Variants in KIF6 observed in about 807,000 individuals in gnomAD.
The protein encoded by KIF6 is kinesin-like protein KIF6.
In KIF6, 106 loss-of-function variants were observed where a neutral mutation model predicts 112.7. That is an observed-to-expected ratio of 0.94 (90% CI 0.80 to 1.11). The LOEUF is 1.11. Ranked by LOEUF, KIF6 falls within the 50% of genes least tolerant of loss-of-function variation. The probability of loss-of-function intolerance (pLI) is 0.00; values close to 1 mark genes in which losing one functional copy is unlikely to be tolerated. For missense variants in KIF6, 929 were observed against 964.0 expected, an observed-to-expected ratio of 0.96 and a Z score of 0.48; for synonymous variants, 339 against 339.9, an observed-to-expected ratio of 1.00 and a Z score of 0.03.
chr6:39,464,906 T>C (rs1416228253), intron 13 of KIF6, among the ~76,000 whole-genome samples: 1 of 152,214 alleles, frequency 6.6e-6, no homozygotes, highest in East Asian at 1.9e-4. Flanking sequence ...AGCATGGCTG[T>C]CCCAGTTTAT....
At chr6:39,430,788 A>G (rs1771098343) in intron 14 of KIF6, among the ~76,000 whole-genome samples, 1 of 152,226 alleles carries the variant, frequency 6.6e-6, no homozygotes, top group Non-Finnish European at 1.5e-5. Flanking sequence ...TGAATGTATG[A>G]TGTGAGAATT....
intron 15 of KIF6, among the ~76,000 whole-genome samples, chr6:39,387,791 A>T (rs1329935252): frequency 2.0e-5 from 3 of 152,186 alleles, no homozygotes; most frequent in African/African-American, 7.2e-5. Flanking sequence ...TGCATCAAAC[A>T]CTGCTGAATT....
At chr6:39,651,857 G>A (rs1785488358) in intron 3 of KIF6, among the ~76,000 whole-genome samples, 1 of 152,168 alleles carries the variant, frequency 6.6e-6, no homozygotes, top group Non-Finnish European at 1.5e-5. Flanking sequence ...AGATTTAGGA[G>A]CCAGAGTTTG....
chr6:39,336,752 C>A (rs1762927247), intron 22 of KIF6, among the ~76,000 whole-genome samples: 1 of 152,162 alleles, frequency 6.6e-6, no homozygotes, highest in African/African-American at 2.4e-5. Flanking sequence ...AGCTCCATCT[C>A]CCTAGGCTGA....
At chr6:39,428,511 G>A (rs534939439) in intron 14 of KIF6, among the ~76,000 whole-genome samples, 34 of 152,304 alleles carry the variant, frequency 2.2e-4, no homozygotes, top group African/African-American at 7.5e-4. Context: ...TCTAGGGAGA[G>A]AGTATTCAGC....
intron 14 of KIF6, among the ~76,000 whole-genome samples, chr6:39,430,726 T>G (rs762434723): frequency 2.6e-5 from 4 of 152,096 alleles, no homozygotes; most frequent in Non-Finnish European, 4.4e-5. Flanking sequence ...ATAGACTTTT[T>G]CCCCCCTCCT....
chr6:39,505,810 C>T (rs567521471), intron 13 of KIF6, among the ~76,000 whole-genome samples: 2 of 152,312 alleles, frequency 1.3e-5, no homozygotes, highest in South Asian at 4.1e-4. Context: ...GAGACACCAT[C>T]TTACACCAGT....
At chr6:39,655,397 G>C (rs1453847649) in intron 3 of KIF6, among the ~76,000 whole-genome samples, 1 of 151,978 alleles carries the variant, frequency 6.6e-6, no homozygotes, top group African/African-American at 2.4e-5. Flanking sequence ...TTTTCTCCCA[G>C]ATAGTAGCTT....
chr6:39,706,174 CT>C (rs562238531), intron 3 of KIF6, among the ~76,000 whole-genome samples: 1 of 151,962 alleles, frequency 6.6e-6, no homozygotes, highest in Non-Finnish European at 1.5e-5. Context: ...AACTCTTATG[CT>C]TTTTTTTCTG....
At chr6:39,724,056 T>G (rs1790386880) in intron 1 of KIF6, among the ~76,000 whole-genome samples, 5 of 152,170 alleles carry the variant, frequency 3.3e-5, no homozygotes, top group Admixed American at 1.3e-4. Flanking sequence ...GAATGAGAGA[T>G]AATGCAGATA....
At chr6:39,382,544 T>C (rs571264628) in intron 16 of KIF6, among the ~76,000 whole-genome samples, 63 of 152,320 alleles carry the variant, frequency 4.1e-4, no homozygotes, top group African/African-American at 1.4e-3. Flanking sequence ...GTGTACCACA[T>C]TTTCTTTATC....
rs925467420 is a variant in KIF6, at chr6:39,336,324, ATGT to A, written c.*205_*207del. 9 of 574,354 alleles carry A rather than the reference ATGT, an allele frequency of 1.6e-5. No individual in the cohort carries two copies. The highest frequency in any genetic ancestry group is 3.1e-6 in the Non-Finnish European group (1 of 322,316). 35.6% of individuals were successfully genotyped at this position (574,354 alleles called of 1,614,324 possible). A position where few individuals can be genotyped will look rare whatever the true frequency, so the allele number is the denominator to read the frequency against. ...AGCAGCTCCAGCAACCACAGGAAGG[ATGT>A]TGTGGTCAGCCCCAGCCCCAGCCTC... On this transcript the variant is annotated 3_prime_UTR_variant, in exon 23 of 23. Transcript: ENST00000287152.
Position 39,639,671 on chromosome 6 carries a change from C to T in KIF6, c.338G>A (p.Arg113His), listed in dbSNP as rs149685088. ...KTFTITGGAE[R>H]YSDRGIIPRT... is the part of the protein sequence containing the mutation. The stretch of plus-strand genomic sequence containing the variant: ...TGGGATAATGCCTCTGTCACTGTAA[C>T]GCTCTGCACCCCCTGTGATAGTGAA... Residue 113 changes from arginine to histidine, a missense_variant, in exon 4 of 23, where the codon CGT (arginine) becomes CAT (histidine). Around this residue, in one of 2 missense-constraint regions of KIF6, gnomAD observed 688 missense variants for 662.7 expected, o/e 1.04. Transcript: ENST00000287152. 1.8e-4 allele frequency: 289 copies of T among 1,611,190 alleles called. No homozygotes were observed. The African/African-American group carries it at 2.6e-3, about 15-fold the overall frequency.
At chr6:39,571,538 A>G (rs1780638962) in intron 10 of KIF6, among the ~76,000 whole-genome samples, 1 of 152,220 alleles carries the variant, frequency 6.6e-6, no homozygotes, top group South Asian at 2.1e-4. Flanking sequence ...GAGGGCAAGA[A>G]CATTATTTTG....
At position 39,596,180 on chromosome 6, in the gene KIF6, A is replaced by G. The variant is rs771602890; in HGVS notation, c.720T>C (p.Thr240=). 11 of 1,613,988 alleles carry G rather than the reference A, an allele frequency of 6.8e-6. No homozygotes were observed. Among genetic ancestry groups the G allele is most frequent in the Non-Finnish European group, 6.8e-6 (8 of 1,179,982 alleles). Residue 240 remains threonine (T), a synonymous_variant, in exon 7 of 23, where the codon ACT becomes ACC. Transcript: ENST00000287152. ...HLSSKEPGSA[T]VRHAKLHLVD... The stretch of plus-strand genomic sequence containing the variant: ...CCAGATGGAGTTTGGCATGTCGTAC[A>G]GTTGCAGATCCTGGTTCCTTGCTTG...
intron 12 of KIF6, among the ~76,000 whole-genome samples, chr6:39,542,384 C>T (rs1778835849): frequency 6.6e-6 from 1 of 152,132 alleles, no homozygotes; most frequent in Admixed American, 6.5e-5. Context: ...TTTATTCAAG[C>T]TGAGGATGTC....
At chr6:39,552,605 G>A (rs1779450760) in intron 10 of KIF6, among the ~76,000 whole-genome samples, 1 of 152,132 alleles carries the variant, frequency 6.6e-6, no homozygotes, top group South Asian at 2.1e-4. Context: ...CTTTCCACAT[G>A]CCATAATCTC....
At chr6:39,630,060 C>T (rs1784280081) in intron 5 of KIF6, among the ~76,000 whole-genome samples, 1 of 152,008 alleles carries the variant, frequency 6.6e-6, no homozygotes, top group South Asian at 2.1e-4. Context: ...AGTTCTCTTG[C>T]CATTACCATA....
chr6:39,344,535 T>A (rs1234322986), intron 21 of KIF6, among the ~76,000 whole-genome samples: 2 of 152,138 alleles, frequency 1.3e-5, no homozygotes, highest in Admixed American at 6.5e-5. Context: ...ACTTCCAGCC[T>A]CAGGGCCTTT....
Sources: allele counts gnomAD v4.1 joint callset (sites outside exome capture counted in the v4.1 genomes callset), GRCh38; gene constraint gnomAD v4.1.1; regional missense constraint gnomAD v4.1.1; transcripts MANE v1.5; gene names NCBI Gene and HGNC (gene_info 2026-07-23, HGNC 2026-07-21).